The following UPK3A variants were observed in gnomAD, a reference collection of about 807,000 sequenced individuals.
The protein encoded by UPK3A is uroplakin 3A, also known as uroplakin-3a.
UPK3A carries 32 observed loss-of-function variants against 27.6 expected under a neutral mutation model. That is an observed-to-expected ratio of 1.16 (90% CI 0.87 to 1.55). UPK3A has a LOEUF of 1.55. Ranked by LOEUF, UPK3A falls within the 40% of genes most tolerant of loss-of-function variation. The pLI, the probability that UPK3A is intolerant of heterozygous loss-of-function variation, is 0.00. For synonymous variants in UPK3A, 171 were observed against 163.9 expected, an observed-to-expected ratio of 1.04 and a Z score of -0.33; for missense variants, 370 against 367.9, an observed-to-expected ratio of 1.01 and a Z score of -0.05.
At chr22:45,290,376 G>A (rs985167420) in intron 4 of UPK3A, among the ~76,000 whole-genome samples, 4 of 152,184 alleles carry the variant, frequency 2.6e-5, no homozygotes, top group African/African-American at 9.6e-5. Context: ...CCAGGGGCGT[G>A]GGGGGCTCTG....
chr22:45,288,937 C>T (rs544914179), intron 3 of UPK3A, 124 bp from the exon 4 acceptor site: 120 of 880,094 alleles, frequency 1.4e-4, no homozygotes, highest in African/African-American at 1.3e-3. Context: ...TCTACATTTC[C>T]GTCTCCTGGA....
intron 4 of UPK3A, 131 bp from the exon 5 acceptor site, chr22:45,293,050 T>C: frequency 7.5e-7 from 1 of 1,329,202 alleles, no homozygotes; most frequent in Non-Finnish European, 1.0e-6. Context: ...CTGAGAGAAG[T>C]CGCCCCACTG....
intron 5 of UPK3A, among the ~76,000 whole-genome samples, chr22:45,294,056 A>G (rs1371090569): frequency 6.6e-6 from 1 of 151,982 alleles, no homozygotes. Context: ...TGCCGTGGGA[A>G]TCCAGAGGAG....
intron 4 of UPK3A, among the ~76,000 whole-genome samples, chr22:45,291,776 G>C (rs1209794432): frequency 6.7e-6 from 1 of 150,260 alleles, no homozygotes; most frequent in Non-Finnish European, 1.5e-5. Context: ...GTGGTGTGTG[G>C]TGTGTGAGAG....
rs1569102576 is a variant in UPK3A, at chr22:45,284,956, G to C, written c.-58G>C. On this transcript the variant is annotated 5_prime_UTR_variant, in exon 1 of 6. Transcript: ENST00000216211. ...AGGTGCCCTGGCAGGGACAGGTCTG[G>C]TGCCCGCGCCTGCTCGCTGGACCGC... is the stretch of plus-strand genomic sequence containing the variant. 1.3e-6 allele frequency: 2 copies of C among 1,487,762 alleles called. No homozygotes were observed. Among genetic ancestry groups the C allele is most frequent in the Admixed American group, 2.0e-5 (1 of 50,218 alleles). The allele number at this position is 1,487,762 out of a possible 1,614,324, so 92.2% of individuals were successfully genotyped here.
chr22:45,291,408 A>T (rs970212680), intron 4 of UPK3A, among the ~76,000 whole-genome samples: 1 of 103,358 alleles, frequency 9.7e-6, no homozygotes, highest in African/African-American at 5.0e-5. Context: ...GGGTGGTGTG[A>T]GAGTGTGTAT....
At chr22:45,294,413 A>ACCCCGTACACC (rs1555906401) in intron 5 of UPK3A, among the ~76,000 whole-genome samples, 4 of 149,418 alleles carry the variant, frequency 2.7e-5, no homozygotes, top group African/African-American at 9.9e-5. Context: ...ACCCTGGTAC[A>ACCCCGTACACC]CCCCCCCCGG....
At chr22:45,293,523 G>A (rs1229370464) in intron 5 of UPK3A, among the ~76,000 whole-genome samples, 1 of 152,176 alleles carries the variant, frequency 6.6e-6, no homozygotes, top group African/African-American at 2.4e-5. Flanking sequence ...TTGCTCAGCT[G>A]GGAAGGGTGG....
intron 4 of UPK3A, among the ~76,000 whole-genome samples, chr22:45,290,184 G>A (rs1398981791): frequency 1.3e-5 from 2 of 152,278 alleles, no homozygotes; most frequent in African/African-American, 2.4e-5. Flanking sequence ...ATACAGAGTC[G>A]AGTCTGCTGA....
intron 3 of UPK3A, 33 bp downstream of exon 3, chr22:45,287,484 C>G: frequency 6.4e-7 from 1 of 1,562,588 alleles, no homozygotes; most frequent in South Asian, 1.2e-5. Context: ...AGGAGAGCCG[C>G]GGCAGTTCCC....
At chr22:45,287,675 A>T (rs1470542215) in intron 3 of UPK3A, among the ~76,000 whole-genome samples, 2 of 152,062 alleles carry the variant, frequency 1.3e-5, no homozygotes, top group African/African-American at 4.8e-5. Flanking sequence ...TTATTTATTT[A>T]TTTTTTGAGA....
chr22:45,294,112 G>A (rs921227223), intron 5 of UPK3A, among the ~76,000 whole-genome samples: 2 of 152,158 alleles, frequency 1.3e-5, no homozygotes, highest in Non-Finnish European at 2.9e-5. Context: ...CTTCCTGGAG[G>A]AAGGGTCAGT....
rs917185118 is a variant in UPK3A at position 45,287,450 on chromosome 22, A to G, written c.487A>G (p.Arg163Gly). ...NAPLSAATEY[R>G]FKYVLVNMST... is the part of the protein sequence containing the mutation. ...ACCCCTGTCGGCAGCCACGGAGTAC[A>G]GGTGGGTGTAAACAAACCACTACAG... The change falls in exon 3 of 6, where the codon AGG (arginine) becomes GGG (glycine). Residue 163 changes from arginine to glycine, a missense_variant and splice_region_variant. Physicochemically the swap from Arg to Gly is moderately radical, Grantham distance 125 (BLOSUM62 -2). Transcript: ENST00000216211. 19 of 1,589,706 alleles carry G rather than the reference A, an allele frequency of 1.2e-5. No homozygotes were observed. Among genetic ancestry groups the G allele is most frequent in the Admixed American group, 1.8e-5 (1 of 54,932 alleles).
At chr22:45,292,061 G>A (rs779173044) in intron 4 of UPK3A, among the ~76,000 whole-genome samples, 1 of 152,168 alleles carries the variant, frequency 6.6e-6, no homozygotes, top group Non-Finnish European at 1.5e-5. Flanking sequence ...TGGTTTCACC[G>A]AAACAGCCTT....
chr22:45,289,210 G>A, intron 4 of UPK3A, 67 bp downstream of exon 4: 1 of 1,531,560 alleles, frequency 6.5e-7, no homozygotes, highest in African/African-American at 1.4e-5. Context: ...AGCCACGGCG[G>A]TGAGAACCAA....
In UPK3A at chr22:45,293,205, C is replaced by T. The variant is rs777174751; in HGVS notation, c.596C>T (p.Thr199Met). ...NQLTPYSTIDTWPGRRSGGMI... is the reference protein window; with the variant it reads ...NQLTPYSTIDMWPGRRSGGMI... ...GTCACCCCATACTCGACGATCGACA[C>T]GTGGCCAGGCCGGCGGAGCGGAGGC... The change falls in exon 5 of 6, where the codon ACG (threonine) becomes ATG (methionine). Residue 199 changes from threonine to methionine, a missense_variant. Thr to Met is a moderately conservative substitution (Grantham distance 81). Transcript: ENST00000216211. 4.0e-5 allele frequency: 65 copies of T among 1,613,940 alleles called. No individual in the cohort carries two copies. Among genetic ancestry groups the T allele is most frequent in the South Asian group, 2.6e-4 (24 of 91,090 alleles).
chr22:45,285,030 C>A lies in UPK3A; in HGVS notation c.17C>A (p.Ala6Asp). The change falls in exon 1 of 6, where the codon GCC becomes GAC. Residue 6 changes from alanine (A) to aspartate (D), a missense_variant. By Grantham distance (126) the Ala-to-Asp change is moderately radical. Transcript: ENST00000216211. ...TCCCGGGCGATGCCTCCGCTCTGGG[C>A]CCTGCTGGCCCTCGGCTGCCTGCGG... The part of the protein sequence containing the change: MPPLW[A>D]LLALGCLRFG... The A allele has an allele frequency of 1.3e-6, 2 of 1,534,452 alleles. No homozygotes were observed. The highest frequency in any genetic ancestry group is 2.4e-5 in the South Asian group (2 of 83,962).
At chr22:45,291,443 TGA>T (rs960251075) in intron 4 of UPK3A, among the ~76,000 whole-genome samples, 21 of 149,498 alleles carry the variant, frequency 1.4e-4, no homozygotes, top group Middle Eastern at 3.5e-3. Context: ...GTGTGTGGTG[TGA>T]GAGTGTGGCA....
chr22:45,293,407 G>A (rs1270523953), intron 5 of UPK3A, 94 bp downstream of exon 5: 1 of 1,538,630 alleles, frequency 6.5e-7, no homozygotes, highest in Non-Finnish European at 8.9e-7. Context: ...CCGAGGCAGG[G>A]GACAGCCCGG....
Sources: gnomAD v4.1 joint callset for allele counts (sites outside exome capture counted in the v4.1 genomes callset) on GRCh38, gnomAD v4.1.1 for gene constraint, MANE v1.5 for transcripts, NCBI Gene and HGNC (gene_info 2026-07-23, HGNC 2026-07-21) for gene names.